Variants in XPO6 observed in about 807,000 individuals in gnomAD.
The protein encoded by XPO6 is exportin-6.
Under a neutral mutation model 130.0 loss-of-function variants are expected in XPO6, and 3 were observed. The ratio of observed to expected loss-of-function variants is 0.02; its 90% CI spans 0.01 to 0.06. The LOEUF (loss-of-function observed/expected upper bound fraction) is 0.06, where lower values mean the gene tolerates loss of function less well. XPO6 is among the 10% of genes least tolerant of loss of function. The pLI, the probability that XPO6 is intolerant of heterozygous loss-of-function variation, is 1.00. For missense variants in XPO6, 970 were observed against 1,393.0 expected, an observed-to-expected ratio of 0.70 and a Z score of 4.83; for synonymous variants, 524 against 548.9, an observed-to-expected ratio of 0.95 and a Z score of 0.63.
At chr16:28,150,794 CTCT>C (rs1175493071) in intron 8 of XPO6, among the ~76,000 whole-genome samples, 3 of 152,090 alleles carry the variant, frequency 2.0e-5, no homozygotes, top group Non-Finnish European at 4.4e-5. Context: ...CTCTCAAATC[CTCT>C]TTTTTCATGG....
chr16:28,152,792 G>A lies in XPO6; in HGVS notation c.1098-7C>T. On this transcript the variant is annotated splice_polypyrimidine_tract_variant and splice_region_variant and intron_variant, in intron 7 of 23. Transcript: ENST00000304658. ...AGTAAACTTCTCGATATAGCTAAAT[G>A]AGACAAGACAAAAGGTGACAATAAG... The A allele has an allele frequency of 6.2e-7, 1 of 1,609,194 alleles. No homozygotes were observed. The highest frequency in any genetic ancestry group is 8.5e-7 in the Non-Finnish European group (1 of 1,178,596).
intron 21 of XPO6, 117 bp downstream of exon 21, chr16:28,104,429 A>C (rs2086726873): frequency 1.6e-6 from 2 of 1,270,592 alleles, no homozygotes; most frequent in African/African-American, 3.0e-5. Context: ...TAACTTCATC[A>C]ATACTAACAG....
At chr16:28,121,598 TCAATCAAA>T in intron 14 of XPO6, 64 bp downstream of exon 14, 1 of 1,151,874 alleles carries the variant, frequency 8.7e-7, no homozygotes, top group Non-Finnish European at 1.3e-6. Flanking sequence ...TTCCTTTTTC[TCAATCAAA>T]TTATTTGGAG....
At chr16:28,186,128 G>A (rs971123931) in intron 1 of XPO6, among the ~76,000 whole-genome samples, 9 of 151,828 alleles carry the variant, frequency 5.9e-5, no homozygotes, top group Admixed American at 1.3e-4. Context: ...ATTTGAGATC[G>A]CCTTTGCTTC....
At chr16:28,149,768 CAATT>C (rs1459729131) in intron 8 of XPO6, among the ~76,000 whole-genome samples, 2 of 152,102 alleles carry the variant, frequency 1.3e-5, no homozygotes, top group East Asian at 3.9e-4. Flanking sequence ...ACATCCCTGT[CAATT>C]AAGGGACGCA....
intron 12 of XPO6, among the ~76,000 whole-genome samples, chr16:28,126,151 C>T (rs2087402182): frequency 6.6e-6 from 1 of 152,184 alleles, no homozygotes; most frequent in Non-Finnish European, 1.5e-5. Flanking sequence ...CCTGTAAGGT[C>T]CTGACACCAT....
chr16:28,198,587 C>T (rs2043904901), intron 1 of XPO6, among the ~76,000 whole-genome samples: 1 of 149,786 alleles, frequency 6.7e-6, no homozygotes, highest in African/African-American at 2.5e-5. Flanking sequence ...GAGGACTGCT[C>T]GAGCCCAGGA....
chr16:28,207,959 A>G (rs1355847375), intron 1 of XPO6, among the ~76,000 whole-genome samples: 3 of 151,966 alleles, frequency 2.0e-5, no homozygotes. Context: ...AGCCTGGCCA[A>G]CCTGGTGAAA....
intron 6 of XPO6, among the ~76,000 whole-genome samples, chr16:28,158,651 G>A (rs1389026107): frequency 2.0e-5 from 3 of 152,122 alleles, no homozygotes; most frequent in Non-Finnish European, 2.9e-5. Context: ...GGGACCCCAA[G>A]ACCCAAAATT....
At chr16:28,201,625 G>A (rs536538161) in intron 1 of XPO6, among the ~76,000 whole-genome samples, 85 of 152,308 alleles carry the variant, frequency 5.6e-4, no homozygotes, top group African/African-American at 2.0e-3. Flanking sequence ...GGGAGGCTGA[G>A]GCGGGTGGAT....
intron 2 of XPO6, among the ~76,000 whole-genome samples, chr16:28,180,618 G>A (rs2043600025): frequency 6.6e-6 from 1 of 152,088 alleles, no homozygotes; most frequent in Admixed American, 6.5e-5. Context: ...GATCACTTGA[G>A]GCCAGGAGTT....
intron 1 of XPO6, among the ~76,000 whole-genome samples, chr16:28,193,623 A>G (rs2043816062): frequency 6.6e-6 from 1 of 152,230 alleles, no homozygotes; most frequent in African/African-American, 2.4e-5. Context: ...GTGAGCAGCA[A>G]GAAAGCAGAT....
chr16:28,158,826 C>T (rs2043224371), intron 6 of XPO6, among the ~76,000 whole-genome samples: 1 of 152,088 alleles, frequency 6.6e-6, no homozygotes, highest in Non-Finnish European at 1.5e-5. Context: ...GATTCTTATG[C>T]TTGCTTGATT....
chr16:28,152,703 C>T lies in XPO6; in HGVS notation c.1180G>A (p.Val394Met). Residue 394 changes from valine to methionine, a missense_variant, in exon 8 of 24, where the codon GTG becomes ATG. Physicochemically the swap from Val to Met is conservative, Grantham distance 21. This residue lies in a region of XPO6 where 936 missense variants were observed against 1,306.8 expected (regional missense o/e 0.72). Coordinates refer to ENST00000304658, the MANE Select transcript of XPO6 (RefSeq NM_015171.4). The stretch of plus-strand genomic sequence containing the variant: ...AACAAAAGTGTCAAAAACTCCACCA[C>T]AGGGAACTGGGAGTAAGACTCGATT... ...RRIESYSQFP[V>M]VEFLTLLFKY... 1 of 1,613,304 alleles carries T rather than the reference C, an allele frequency of 6.2e-7. No individual in the cohort carries two copies. The highest frequency in any genetic ancestry group is 8.5e-7 in the Non-Finnish European group (1 of 1,179,784).
chr16:28,113,197 A>G lies in XPO6; in HGVS notation c.2005-147T>C, dbSNP rs916591565. Reference sequence around the variant, plus strand: ...ATCTAGCTCAAGAATTTTTCCTATGATGACTACAAGAGAAGCCCATCTTCT... The same window carrying G: ...ATCTAGCTCAAGAATTTTTCCTATGGTGACTACAAGAGAAGCCCATCTTCT... On this transcript the variant is annotated intron_variant, in intron 15 of 23. Transcript: ENST00000304658. 4 of 1,040,872 alleles carry G rather than the reference A, an allele frequency of 3.8e-6. No homozygotes were observed. In the African/African-American group the frequency reaches 4.9e-5, roughly 13 times the overall value. 64.5% of individuals were successfully genotyped at this position (1,040,872 alleles called of 1,614,324 possible).
At chr16:28,123,749 G>C (rs1176829298) in intron 13 of XPO6, among the ~76,000 whole-genome samples, 1 of 152,084 alleles carries the variant, frequency 6.6e-6, no homozygotes, top group Non-Finnish European at 1.5e-5. Flanking sequence ...TTTAAATCCT[G>C]TTCTACACTA....
chr16:28,155,169 T>C (rs913393906), intron 7 of XPO6, among the ~76,000 whole-genome samples: 3 of 152,208 alleles, frequency 2.0e-5, no homozygotes, highest in Admixed American at 6.5e-5. Flanking sequence ...GAAAAGAAAA[T>C]AGCTTAATTC....
chr16:28,167,939 G>A (rs529044282), intron 5 of XPO6, among the ~76,000 whole-genome samples: 27 of 152,054 alleles, frequency 1.8e-4, no homozygotes, highest in Admixed American at 9.8e-4. Flanking sequence ...AGAATGGGGC[G>A]GGGTGGGGGA....
intron 1 of XPO6, among the ~76,000 whole-genome samples, chr16:28,196,554 T>C (rs1365651350): frequency 6.6e-6 from 1 of 152,156 alleles, no homozygotes; most frequent in African/African-American, 2.4e-5. Flanking sequence ...ATGGTGACGT[T>C]TTATGTTATG....
Sources: allele counts gnomAD v4.1 joint callset (sites outside exome capture counted in the v4.1 genomes callset), GRCh38; gene constraint gnomAD v4.1.1; regional missense constraint gnomAD v4.1.1; transcripts MANE v1.5; gene names NCBI Gene and HGNC (gene_info 2026-07-23, HGNC 2026-07-21).